Variants in KCNU1 observed in about 807,000 individuals in gnomAD.
KCNU1 encodes potassium channel subfamily U member 1.
Under a neutral mutation model 126.8 loss-of-function variants are expected in KCNU1, and 93 were observed. That is an observed-to-expected ratio of 0.73 (90% confidence interval 0.62 to 0.87). KCNU1 has a LOEUF of 0.87. KCNU1 is among the 40% of genes least tolerant of loss of function. The pLI is 0.00. For missense variants in KCNU1, 1,330 were observed against 1,367.1 expected, an observed-to-expected ratio of 0.97 and a Z score of 0.43; for synonymous variants, 523 against 494.2, an observed-to-expected ratio of 1.06 and a Z score of -0.77.
chr8:36,863,129 C>T (rs944371592), intron 18 of KCNU1, among the ~76,000 whole-genome samples: 3 of 152,156 alleles, frequency 2.0e-5, no homozygotes, highest in African/African-American at 7.2e-5. Context: ...AAAGGATGTC[C>T]TTCTTCTTCC....
At chr8:36,886,927 C>CT (rs1234214910) in intron 19 of KCNU1, among the ~76,000 whole-genome samples, 1 of 152,060 alleles carries the variant, frequency 6.6e-6, no homozygotes, top group East Asian at 1.9e-4. Flanking sequence ...AGTTACTTCA[C>CT]TTAGAATAAT....
chr8:36,820,611 TC>T (rs1283512323), intron 10 of KCNU1, among the ~76,000 whole-genome samples: 174 of 143,466 alleles, frequency 1.2e-3, no homozygotes, highest in African/African-American at 4.4e-3. Context: ...ATAAGAAAAT[TC>T]AGAAAAAAAA....
intron 26 of KCNU1, 115 bp downstream of exon 26, chr8:36,933,147 G>A (rs1467648041): frequency 4.6e-6 from 3 of 649,486 alleles, no homozygotes; most frequent in Non-Finnish European, 8.1e-6. Flanking sequence ...GCAAGGAAGG[G>A]TGCATGGGAA....
At chr8:36,929,356 C>T (rs1808627148) in intron 24 of KCNU1, among the ~76,000 whole-genome samples, 1 of 142,274 alleles carries the variant, frequency 7.0e-6, no homozygotes, top group Non-Finnish European at 1.5e-5. Flanking sequence ...TGCACTCTAG[C>T]CTAGACAACA....
chr8:36,798,855 G>A (rs1324826382), intron 2 of KCNU1, among the ~76,000 whole-genome samples: 6 of 152,064 alleles, frequency 3.9e-5, no homozygotes, highest in Non-Finnish European at 8.8e-5. Flanking sequence ...ACCACCTTGG[G>A]CACATGTTCT....
intron 24 of KCNU1, among the ~76,000 whole-genome samples, chr8:36,926,632 C>A (rs916247554): frequency 1.6e-4 from 24 of 152,126 alleles, no homozygotes; most frequent in Non-Finnish European, 7.4e-5. Context: ...CAATTTCCAG[C>A]CAGAAGTCTG....
chr8:36,909,575 T>A, intron 21 of KCNU1, 40 bp downstream of exon 21: 1 of 1,142,952 alleles, frequency 8.7e-7, no homozygotes, highest in East Asian at 2.3e-5. Context: ...TTATAAGGAT[T>A]TCAATATTAA....
At chr8:36,874,499 G>C (rs1456970378) in intron 19 of KCNU1, among the ~76,000 whole-genome samples, 1 of 152,086 alleles carries the variant, frequency 6.6e-6, no homozygotes, top group Non-Finnish European at 1.5e-5. Context: ...AGAGTGGCAG[G>C]ACATTCATGT....
At chr8:36,808,652 G>A in intron 6 of KCNU1, 66 bp from the exon 7 acceptor site, 2 of 945,782 alleles carry the variant, frequency 2.1e-6, no homozygotes, top group African/African-American at 1.6e-5. Flanking sequence ...ACATCTTAGA[G>A]GATGAGGTGT....
At chr8:36,895,539 C>G (rs1272628552) in intron 19 of KCNU1, among the ~76,000 whole-genome samples, 1 of 152,104 alleles carries the variant, frequency 6.6e-6, no homozygotes, top group Non-Finnish European at 1.5e-5. Context: ...AAAGTCAAAG[C>G]AGAGCTAACA....
chr8:36,813,333 C>A (rs538239106), intron 7 of KCNU1, among the ~76,000 whole-genome samples: 1 of 151,980 alleles, frequency 6.6e-6, no homozygotes, highest in African/African-American at 2.4e-5. Context: ...AACAAAAAGC[C>A]CACTTCCCCC....
Position 36,911,135 on chromosome 8 carries a change from C to A in KCNU1, c.2521+16C>A. 6.4e-7 allele frequency: 1 copy of A among 1,574,662 alleles called. No homozygotes were observed. On this transcript the variant is annotated intron_variant, in intron 22 of 26. Transcript: ENST00000399881. ...TCAGTGTCAGGTGAGAACAGCACCC[C>A]TGAAAAGAAGAAACTAGGACGTATG...
chr8:36,792,906 T>A (rs1479813728), intron 2 of KCNU1, among the ~76,000 whole-genome samples: 1 of 152,100 alleles, frequency 6.6e-6, no homozygotes, highest in Non-Finnish European at 1.5e-5. Flanking sequence ...ACGTAAACCA[T>A]GACTAATATT....
At chr8:36,853,765 T>C (rs979991010) in intron 18 of KCNU1, among the ~76,000 whole-genome samples, 6 of 152,246 alleles carry the variant, frequency 3.9e-5, no homozygotes, top group Middle Eastern at 3.4e-3. Flanking sequence ...CTGTTAAGTA[T>C]AGTTGGTTTA....
chr8:36,811,131 A>G (rs1160042519), intron 7 of KCNU1, among the ~76,000 whole-genome samples: 2 of 152,176 alleles, frequency 1.3e-5, no homozygotes, highest in Non-Finnish European at 2.9e-5. Context: ...AAATAAAGAT[A>G]CTCAAATGTT....
At chr8:36,808,235 T>C (rs1803578245) in intron 6 of KCNU1, among the ~76,000 whole-genome samples, 1 of 152,178 alleles carries the variant, frequency 6.6e-6, no homozygotes, top group Non-Finnish European at 1.5e-5. Context: ...TTAAAGACCT[T>C]GTTATCAGTC....
At chr8:36,909,221 A>G in intron 20 of KCNU1, 90 bp from the exon 21 acceptor site, 1 of 796,074 alleles carries the variant, frequency 1.3e-6, no homozygotes, top group Non-Finnish European at 2.2e-6. Flanking sequence ...GGATGTACCT[A>G]GAAGAATTGG....
At chr8:36,840,717 G>A (rs2130575569) in intron 15 of KCNU1, 142 bp downstream of exon 15, 2 of 687,250 alleles carry the variant, frequency 2.9e-6, no homozygotes, top group Non-Finnish European at 5.1e-6. Flanking sequence ...AAACTTAGAA[G>A]TTTACAGTTG....
intron 18 of KCNU1, among the ~76,000 whole-genome samples, chr8:36,848,913 T>G (rs1046266160): frequency 6.6e-6 from 1 of 152,162 alleles, no homozygotes; most frequent in Non-Finnish European, 1.5e-5. Flanking sequence ...GGGTTCTTTC[T>G]CAGAGATCAG....
Sources: gnomAD v4.1 joint callset for allele counts (sites outside exome capture counted in the v4.1 genomes callset) on GRCh38, gnomAD v4.1.1 for gene constraint, MANE v1.5 for transcripts, NCBI Gene and HGNC (gene_info 2026-07-23, HGNC 2026-07-21) for gene names.